PLEK2: variants seen among roughly 807,000 people sequenced by gnomAD.
PLEK2 encodes pleckstrin 2.
In PLEK2, 29 loss-of-function variants were observed where a neutral mutation model predicts 43.8. That is an observed-to-expected ratio of 0.66 (90% confidence interval 0.49 to 0.90). The LOEUF is 0.90. Ranked by LOEUF, PLEK2 falls within the 40% of genes least tolerant of loss-of-function variation. PLEK2 has a pLI of 0.00. For synonymous variants in PLEK2, 162 were observed against 173.2 expected (o/e 0.94, Z 0.51); for missense variants, 398 against 448.1 (o/e 0.89, Z 1.01).
intron 2 of PLEK2, 36 bp from the exon 3 acceptor site, chr14:67,395,619 G>A (rs761131046): frequency 3.1e-6 from 5 of 1,601,430 alleles, no homozygotes; most frequent in Non-Finnish European, 4.3e-6. Context: ...CCAGCACTCA[G>A]GCAGAGCAAG....
chr14:67,392,621 C>G lies in PLEK2; in HGVS notation c.669+41G>C, dbSNP rs371552019. The stretch of plus-strand genomic sequence containing the variant: ...CCCCATTCTGTTGTGTCTTCCTTAA[C>G]TTTTGCCCTGGTGGCAAGAAGAACC... On this transcript the variant is annotated intron_variant, in intron 5 of 8. Coordinates refer to ENST00000216446, the MANE Select transcript of PLEK2 (RefSeq NM_016445.3). The G allele has an allele frequency of 4.5e-4, 710 of 1,567,914 alleles. 1 individual carries two copies. Among genetic ancestry groups the G allele is most frequent in the Non-Finnish European group, 5.8e-4 (668 of 1,143,182 alleles).
intron 1 of PLEK2, among the ~76,000 whole-genome samples, chr14:67,408,845 T>C (rs2086098439): frequency 6.6e-6 from 1 of 152,170 alleles, no homozygotes; most frequent in South Asian, 2.1e-4. Context: ...TTTAATACTA[T>C]AAACATATTC....
chr14:67,400,384 G>A (rs778610764), intron 1 of PLEK2, among the ~76,000 whole-genome samples: 2 of 152,196 alleles, frequency 1.3e-5, no homozygotes, highest in Non-Finnish European at 2.9e-5. Flanking sequence ...TATGGGCATT[G>A]AGAGTTTTAC....
chr14:67,390,533 T>C (rs2085958311), intron 7 of PLEK2, 130 bp downstream of exon 7: 1 of 735,776 alleles, frequency 1.4e-6, no homozygotes, highest in Non-Finnish European at 2.5e-6. Context: ...AGGAAAGGCA[T>C]GGTGCAGCAG....
At position 67,392,147 on chromosome 14, in the gene PLEK2, G is replaced by A. The variant is rs570681529; in HGVS notation, c.771+179C>T. Among the ~76,000 whole-genome samples, 6 of 152,316 alleles carry A rather than the reference G, an allele frequency of 3.9e-5. 1 individual carries two copies. In the South Asian group the frequency reaches 1.2e-3, roughly 32 times the overall value. On this transcript the variant is annotated intron_variant, in intron 6 of 8. Transcript: ENST00000216446. ...CTGGTACACATGTGTGTGTGAGTGT[G>A]GGCATATGCCTGTTCTTTGACTTGC...
At chr14:67,397,190 C>T (rs2086017574) in intron 2 of PLEK2, among the ~76,000 whole-genome samples, 2 of 152,180 alleles carry the variant, frequency 1.3e-5, no homozygotes, top group African/African-American at 2.4e-5. Flanking sequence ...CTGCCCATCT[C>T]GGCCTCCCAA....
chr14:67,391,205 G>A (rs1475058833), intron 6 of PLEK2, among the ~76,000 whole-genome samples: 1 of 151,966 alleles, frequency 6.6e-6, no homozygotes, highest in Non-Finnish European at 1.5e-5. Flanking sequence ...CTTTCACATT[G>A]TGCATTAGGA....
chr14:67,395,151 T>C lies in PLEK2; in HGVS notation c.389+251A>G, dbSNP rs551124535. On this transcript the variant is annotated intron_variant, in intron 3 of 8. Coordinates refer to ENST00000216446, the MANE Select transcript of PLEK2 (RefSeq NM_016445.3). The stretch of plus-strand genomic sequence containing the variant: ...CCTGGCTGAAATGGAATGGGGGTCT[T>C]GTGTCATGGAGGTGTGCAGAGGTGG... 2.0e-5 allele frequency among the ~76,000 whole-genome samples: 3 copies of C among 152,234 alleles called. No individual in the cohort carries two copies. In the South Asian group the frequency reaches 6.2e-4, roughly 32 times the overall value.
intron 1 of PLEK2, among the ~76,000 whole-genome samples, chr14:67,402,786 C>T (rs1446455300): frequency 6.6e-6 from 1 of 152,128 alleles, no homozygotes; most frequent in East Asian, 1.9e-4. Context: ...GAATAGTATT[C>T]CATTGTATAT....
intron 7 of PLEK2, 43 bp from the exon 8 acceptor site, chr14:67,388,345 A>G (rs779031198): frequency 1.6e-6 from 2 of 1,245,376 alleles, no homozygotes; most frequent in Non-Finnish European, 2.4e-6. Flanking sequence ...GTGAATGAAC[A>G]AAAGGGAAGA....
chr14:67,396,909 C>T (rs1248870485), intron 2 of PLEK2, among the ~76,000 whole-genome samples: 4 of 151,962 alleles, frequency 2.6e-5, no homozygotes, highest in African/African-American at 9.7e-5. Context: ...TGTCTTGGCA[C>T]ATGATGGGCC....
intron 4 of PLEK2, 111 bp downstream of exon 4, chr14:67,393,039 T>A: frequency 1.1e-6 from 1 of 949,266 alleles, no homozygotes; most frequent in Admixed American, 1.8e-5. Context: ...GCTAGCCTGT[T>A]GCCCAGCAGG....
rs1595655568 is a variant in PLEK2 at position 67,392,416 on chromosome 14, G to A, written c.681C>T (p.Tyr227=). The change falls in exon 6 of 9, where the codon TAC becomes TAT. Residue 227 remains tyrosine (Y), a synonymous_variant. Coordinates refer to ENST00000216446, the MANE Select transcript of PLEK2 (RefSeq NM_016445.3). The part of the protein sequence containing the change: ...STALYTFAES[Y]KKKISPKEEI... ...CTTCCTTGGGGCTTATCTTCTTTTTGTAGCTCTCAGCCTAGGGGGAAGGAG... is the reference window on the plus strand; with the variant it reads ...CTTCCTTGGGGCTTATCTTCTTTTTATAGCTCTCAGCCTAGGGGGAAGGAG... The A allele has an allele frequency of 6.2e-7, 1 of 1,612,588 alleles. No individual in the cohort carries two copies. Among genetic ancestry groups the A allele is most frequent in the Non-Finnish European group, 8.5e-7 (1 of 1,178,696 alleles).
chr14:67,393,082 C>A, intron 4 of PLEK2, 68 bp downstream of exon 4: 1 of 1,248,074 alleles, frequency 8.0e-7, no homozygotes, highest in Non-Finnish European at 1.2e-6. Flanking sequence ...CGGTCAAGCA[C>A]ACAGCTGAGC....
intron 8 of PLEK2, 135 bp from the exon 9 acceptor site, chr14:67,387,591 T>TA (rs2085936124): frequency 1.1e-6 from 1 of 912,086 alleles, no homozygotes; most frequent in Admixed American, 3.2e-5. Flanking sequence ...GGTTTACAGT[T>TA]AGAGAATCCT....
At chr14:67,396,444 G>T (rs1419697273) in intron 2 of PLEK2, among the ~76,000 whole-genome samples, 1 of 151,728 alleles carries the variant, frequency 6.6e-6, no homozygotes, top group Non-Finnish European at 1.5e-5. Context: ...CAATGCGCCT[G>T]GCCTCTAAGA....
At chr14:67,400,198 T>G (rs1301571869) in intron 1 of PLEK2, among the ~76,000 whole-genome samples, 1 of 152,224 alleles carries the variant, frequency 6.6e-6, no homozygotes, top group African/African-American at 2.4e-5. Context: ...CAGAATTTAC[T>G]GTGACAACTA....
intron 7 of PLEK2, among the ~76,000 whole-genome samples, chr14:67,389,986 T>G (rs746556356): frequency 3.0e-4 from 45 of 152,028 alleles, no homozygotes; most frequent in Non-Finnish European, 5.7e-4. Context: ...GGTTCCTGAC[T>G]GAAGCTCAGT....
At chr14:67,407,023 G>A (rs2086083304) in intron 1 of PLEK2, among the ~76,000 whole-genome samples, 1 of 152,172 alleles carries the variant, frequency 6.6e-6, no homozygotes, top group Admixed American at 6.6e-5. Context: ...AGAAGGACGA[G>A]GGGCCCATAA....
Sources: gnomAD v4.1 joint callset for allele counts (sites outside exome capture counted in the v4.1 genomes callset) on GRCh38, gnomAD v4.1.1 for gene constraint, MANE v1.5 for transcripts, NCBI Gene and HGNC (gene_info 2026-07-23, HGNC 2026-07-21) for gene names.